CNTNAP2: variants seen among roughly 807,000 people sequenced by gnomAD.
The protein encoded by CNTNAP2 is contactin-associated protein-like 2.
In CNTNAP2, 98 loss-of-function variants were observed where a neutral mutation model predicts 155.2. That is an observed-to-expected ratio of 0.63 (90% CI 0.54 to 0.75). The LOEUF is 0.75. CNTNAP2 is among the 30% of genes least tolerant of loss of function. The probability of loss-of-function intolerance (pLI) is 0.00; values close to 1 mark genes in which losing one functional copy is unlikely to be tolerated. For missense variants in CNTNAP2, 1,727 were observed against 1,688.1 expected, an observed-to-expected ratio of 1.02 and a Z score of -0.40; for synonymous variants, 651 against 631.2, an observed-to-expected ratio of 1.03 and a Z score of -0.47.
At chr7:146,165,268 C>G (rs1247810369) in intron 1 of CNTNAP2, among the ~76,000 whole-genome samples, 3 of 152,008 alleles carry the variant, frequency 2.0e-5, no homozygotes, top group African/African-American at 7.2e-5. Flanking sequence ...ATGTTTAATT[C>G]AGCACAACTA....
intron 1 of CNTNAP2, among the ~76,000 whole-genome samples, chr7:146,734,158 A>G (rs1376402008): frequency 6.6e-6 from 1 of 152,160 alleles, no homozygotes; most frequent in African/African-American, 2.4e-5. Context: ...TGAGGTACAG[A>G]GGTACAGTAG....
At chr7:147,304,355 T>G (rs963777432) in intron 9 of CNTNAP2, among the ~76,000 whole-genome samples, 22 of 152,194 alleles carry the variant, frequency 1.4e-4, no homozygotes, top group African/African-American at 5.1e-4. Flanking sequence ...ATGTTAATAA[T>G]CAAAAGAATG....
intron 21 of CNTNAP2, among the ~76,000 whole-genome samples, chr7:148,269,504 A>C (rs529774709): frequency 6.6e-6 from 1 of 152,356 alleles, no homozygotes; most frequent in African/African-American, 2.4e-5. Flanking sequence ...CGTCACAACA[A>C]TCCAATGAAA....
chr7:146,166,985 C>G (rs183623861), intron 1 of CNTNAP2, among the ~76,000 whole-genome samples: 15 of 152,300 alleles, frequency 9.8e-5, no homozygotes, highest in East Asian at 3.9e-4. Context: ...GGCTTCCCAC[C>G]TGACATGTAG....
intron 13 of CNTNAP2, among the ~76,000 whole-genome samples, chr7:147,796,807 C>T (rs539335480): frequency 2.7e-4 from 41 of 152,212 alleles, no homozygotes; most frequent in African/African-American, 7.7e-4. Flanking sequence ...TGCTGATGCC[C>T]TCCTGCAGCA....
At chr7:147,860,195 T>C (rs1584995587) in intron 13 of CNTNAP2, among the ~76,000 whole-genome samples, 1 of 152,052 alleles carries the variant, frequency 6.6e-6, no homozygotes, top group Admixed American at 6.6e-5. Flanking sequence ...AAGGCCAAGG[T>C]GGGCAGATCA....
At chr7:146,488,387 C>A (rs1797090209) in intron 1 of CNTNAP2, among the ~76,000 whole-genome samples, 2 of 150,806 alleles carry the variant, frequency 1.3e-5, no homozygotes, top group South Asian at 4.2e-4. Flanking sequence ...TTAATTATAT[C>A]AGATTTATTT....
intron 12 of CNTNAP2, among the ~76,000 whole-genome samples, chr7:147,579,077 G>A (rs1447906636): frequency 7.9e-5 from 12 of 151,888 alleles, no homozygotes; most frequent in South Asian, 2.1e-4. Context: ...CTTAATTGAC[G>A]TGGTTCCAAA....
intron 13 of CNTNAP2, among the ~76,000 whole-genome samples, chr7:147,725,455 TC>T (rs769570202): frequency 2.8e-4 from 42 of 152,206 alleles, no homozygotes; most frequent in African/African-American, 9.6e-4. Flanking sequence ...AAAAGATGCT[TC>T]TGCGTTTTTA....
At chr7:146,164,358 G>GT (rs60005522) in intron 1 of CNTNAP2, among the ~76,000 whole-genome samples, 1,769 of 151,812 alleles carry the variant, frequency 0.012, 38 homozygotes, top group African/African-American at 0.039. Flanking sequence ...ATGAATTACT[G>GT]TTTTTTTTGT....
intron 3 of CNTNAP2, among the ~76,000 whole-genome samples, chr7:147,019,917 A>C (rs936234537): frequency 6.6e-6 from 1 of 152,134 alleles, no homozygotes; most frequent in East Asian, 1.9e-4. Flanking sequence ...AGTGGACAGA[A>C]ATGTCCTGGC....
chr7:147,121,429 A>G (rs983653372), intron 6 of CNTNAP2: 2 of 356,352 alleles, frequency 5.6e-6, no homozygotes, highest in Non-Finnish European at 1.0e-5. Flanking sequence ...CATTTAATAA[A>G]TTCAGAATAA....
intron 21 of CNTNAP2, among the ~76,000 whole-genome samples, chr7:148,301,306 A>AAAAAAAAATATATATATATATATATAT: frequency 9.6e-6 from 1 of 103,868 alleles, no homozygotes; most frequent in African/African-American, 3.8e-5. Flanking sequence ...AAAAAAAAAA[A>AAAAAAAAATATATATATATATATATAT]ATATATATAT....
chr7:147,925,149 GAGAGA>G (rs1373711270), intron 14 of CNTNAP2, among the ~76,000 whole-genome samples: 3 of 72,464 alleles, frequency 4.1e-5, no homozygotes, highest in Admixed American at 1.6e-4. Context: ...GAGAGAGAGA[GAGAGA>G]GAAGGAAGGA....
chr7:146,808,433 T>C (rs978836137), intron 2 of CNTNAP2, among the ~76,000 whole-genome samples: 3 of 152,232 alleles, frequency 2.0e-5, no homozygotes, highest in Non-Finnish European at 2.9e-5. Context: ...TCAAAAATCC[T>C]GCAATACCAG....
intron 1 of CNTNAP2, among the ~76,000 whole-genome samples, chr7:146,711,059 T>C (rs1216032718): frequency 6.6e-6 from 1 of 151,510 alleles, no homozygotes; most frequent in Non-Finnish European, 1.5e-5. Context: ...AGAACACAGG[T>C]TGGCAAGATG....
intron 1 of CNTNAP2, among the ~76,000 whole-genome samples, chr7:146,221,725 C>A (rs937092659): frequency 1.3e-5 from 2 of 152,150 alleles, no homozygotes. Context: ...TGTGAGAGCA[C>A]TTCTAACATA....
intron 6 of CNTNAP2, among the ~76,000 whole-genome samples, chr7:147,123,293 A>AC (rs1456891036): frequency 6.6e-6 from 1 of 152,262 alleles, no homozygotes; most frequent in Admixed American, 6.5e-5. Context: ...ACTTTGAAGT[A>AC]CCATAGAAGA....
chr7:146,748,443 C>T (rs1339602925), intron 1 of CNTNAP2, among the ~76,000 whole-genome samples: 1 of 152,224 alleles, frequency 6.6e-6, no homozygotes, highest in African/African-American at 2.4e-5. Flanking sequence ...CCGCGCCCGG[C>T]CCCAAATCTA....
Sources: allele counts gnomAD v4.1 joint callset (sites outside exome capture counted in the v4.1 genomes callset), GRCh38; gene constraint gnomAD v4.1.1; transcripts MANE v1.5; gene names NCBI Gene and HGNC (gene_info 2026-07-23, HGNC 2026-07-21).